Variants in EML4 observed in about 807,000 individuals in gnomAD.
EML4 encodes EMAP like 4, also known as echinoderm microtubule-associated protein-like 4.
A neutral mutation model predicts 129.0 loss-of-function variants in EML4; 72 were observed. The observed-to-expected ratio is 0.56, with a 90% CI of 0.46 to 0.68. The LOEUF (loss-of-function observed/expected upper bound fraction) is 0.68, where lower values mean the gene tolerates loss of function less well. EML4 is among the 30% of genes least tolerant of loss of function. The pLI, the probability that EML4 is intolerant of heterozygous loss-of-function variation, is 0.00. For synonymous variants in EML4, 532 were observed against 405.0 expected (o/e 1.31, Z -3.77); for missense variants, 1,363 against 1,190.6 (o/e 1.14, Z -2.13).
In EML4 at chr2:42,295,486, G is replaced by T; in HGVS notation, c.1459G>T (p.Val487Leu). The change falls in exon 13 of 23, where the codon GTA becomes TTA. Residue 487 changes from valine to leucine, a missense_variant. Physicochemically the swap from Val to Leu is conservative, Grantham distance 32. Transcript: ENST00000318522. Reference protein sequence around the residue: ...GVMLIWSKTTVEPTPGKGPKG... With the variant: ...GVMLIWSKTTLEPTPGKGPKG... ...CATGCTTATATGGAGCAAAACTACT[G>T]TAGAGCCCACACCTGGGAAAGGACC... 1.9e-6 allele frequency: 3 copies of T among 1,613,696 alleles called. No individual in the cohort carries two copies. Among genetic ancestry groups the T allele is most frequent in the Non-Finnish European group, 2.5e-6 (3 of 1,179,866 alleles).
At chr2:42,253,130 A>T (rs1055143575) in intron 2 of EML4, among the ~76,000 whole-genome samples, 1 of 152,212 alleles carries the variant, frequency 6.6e-6, no homozygotes, top group Non-Finnish European at 1.5e-5. Context: ...GTGCAGAAGA[A>T]TAAAAAGTAC....
intron 1 of EML4, among the ~76,000 whole-genome samples, chr2:42,211,031 G>C (rs995478764): frequency 3.9e-5 from 6 of 152,156 alleles, no homozygotes; most frequent in East Asian, 1.9e-4. Context: ...GTAATCTTCT[G>C]TCTCTTACAC....
chr2:42,310,067 A>G (rs1668848917), intron 17 of EML4, among the ~76,000 whole-genome samples: 1 of 152,214 alleles, frequency 6.6e-6, no homozygotes, highest in East Asian at 1.9e-4. Flanking sequence ...ATTCAGTTAC[A>G]GCACCATTTG....
chr2:42,234,454 C>T lies in EML4; in HGVS notation c.26-11051C>T, dbSNP rs527816391. Reference sequence around the variant, plus strand: ...GGGGTTCCTCTACCCTTAAGAATTTCTGACCAGGTAAACTATCTCTCCATT... The same window carrying T: ...GGGGTTCCTCTACCCTTAAGAATTTTTGACCAGGTAAACTATCTCTCCATT... On this transcript the variant is annotated intron_variant, in intron 1 of 22. Coordinates refer to ENST00000318522, the MANE Select transcript of EML4 (RefSeq NM_019063.5). Among the ~76,000 whole-genome samples, 233 of 152,328 alleles carry T rather than the reference C, an allele frequency of 1.5e-3. 1 individual carries two copies. The highest frequency in any genetic ancestry group is 5.4e-3 in the African/African-American group (225 of 41,580).
At chr2:42,271,400 C>A (rs1666356688) in intron 6 of EML4, among the ~76,000 whole-genome samples, 1 of 147,504 alleles carries the variant, frequency 6.8e-6, no homozygotes, top group Admixed American at 6.7e-5. Context: ...GGGGACCTTT[C>A]CTCTGTTGGA....
intron 1 of EML4, among the ~76,000 whole-genome samples, chr2:42,211,744 G>C (rs531576066): frequency 5.9e-5 from 9 of 151,752 alleles, no homozygotes; most frequent in African/African-American, 2.2e-4. Context: ...TTTTAAGTAG[G>C]GTAAAATTTA....
chr2:42,234,469 A>G (rs544061257), intron 1 of EML4, among the ~76,000 whole-genome samples: 1 of 152,136 alleles, frequency 6.6e-6, no homozygotes, highest in Non-Finnish European at 1.5e-5. Context: ...CAGGTAAACT[A>G]TCTCTCCATT....
At chr2:42,180,259 T>A (rs1670855496) in intron 1 of EML4, among the ~76,000 whole-genome samples, 1 of 152,246 alleles carries the variant, frequency 6.6e-6, no homozygotes, top group Non-Finnish European at 1.5e-5. Flanking sequence ...TGGCTTCCTT[T>A]TATCCCTAAG....
At position 42,312,361 on chromosome 2, in the gene EML4, C is replaced by T. The variant is rs563249280; in HGVS notation, c.1968-3601C>T. Among the ~76,000 whole-genome samples, 7 of 152,124 alleles carry T rather than the reference C, an allele frequency of 4.6e-5. 1 individual carries two copies. The highest frequency in any genetic ancestry group is 1.7e-4 in the African/African-American group (7 of 41,508). ...AAGGGAAGGTCATGCCTCGTTATAA[C>T]CTCTTAGAATTCAGGAAAAGCCAAC... On this transcript the variant is annotated intron_variant, in intron 17 of 22. Transcript: ENST00000318522.
At chr2:42,320,679 A>C (rs1381968539) in intron 19 of EML4, among the ~76,000 whole-genome samples, 1 of 152,188 alleles carries the variant, frequency 6.6e-6, no homozygotes, top group Admixed American at 6.5e-5. Context: ...TCCTTGAAAG[A>C]TTTTAAGTGT....
chr2:42,184,866 G>A (rs1029903220), intron 1 of EML4, among the ~76,000 whole-genome samples: 2 of 152,102 alleles, frequency 1.3e-5, no homozygotes, highest in African/African-American at 4.8e-5. Flanking sequence ...ATTTCTTAAG[G>A]ACAAGAATGT....
intron 1 of EML4, among the ~76,000 whole-genome samples, chr2:42,218,231 G>A (rs898527450): frequency 5.3e-5 from 8 of 151,906 alleles, no homozygotes; most frequent in East Asian, 1.9e-4. Context: ...AAGGGATCTC[G>A]GTTGCTCACT....
chr2:42,314,699 C>T (rs1431569703), intron 17 of EML4, among the ~76,000 whole-genome samples: 1 of 152,176 alleles, frequency 6.6e-6, no homozygotes, highest in African/African-American at 2.4e-5. Context: ...AGTGCCTACT[C>T]TGATCTGGGC....
At chr2:42,220,531 C>A (rs575900126) in intron 1 of EML4, among the ~76,000 whole-genome samples, 1 of 152,112 alleles carries the variant, frequency 6.6e-6, no homozygotes, top group African/African-American at 2.4e-5. Context: ...ACTGGCTGTT[C>A]CTCTGTCTCT....
chr2:42,175,538 G>C (rs149531247), intron 1 of EML4, among the ~76,000 whole-genome samples: 3 of 151,200 alleles, frequency 2.0e-5, no homozygotes, highest in Admixed American at 6.6e-5. Flanking sequence ...AGTTTCTGTC[G>C]CCCAGGCTGG....
intron 6 of EML4, among the ~76,000 whole-genome samples, chr2:42,278,294 C>T (rs1208845606): frequency 2.0e-5 from 3 of 152,112 alleles, no homozygotes; most frequent in East Asian, 1.9e-4. Context: ...CAATTGCGGC[C>T]GCATGCGGTG....
At chr2:42,274,299 A>C (rs1666533791) in intron 6 of EML4, among the ~76,000 whole-genome samples, 1 of 152,240 alleles carries the variant, frequency 6.6e-6, no homozygotes, top group Admixed American at 6.5e-5. Context: ...CCTAAAATGG[A>C]AACTTTCAGG....
At chr2:42,200,842 C>G (rs753172005) in intron 1 of EML4, among the ~76,000 whole-genome samples, 1 of 152,086 alleles carries the variant, frequency 6.6e-6, no homozygotes, top group African/African-American at 2.4e-5. Context: ...AAATTTCCAG[C>G]GCTTTGCAGG....
chr2:42,217,101 C>G (rs972406376), intron 1 of EML4, among the ~76,000 whole-genome samples: 1 of 152,134 alleles, frequency 6.6e-6, no homozygotes, highest in Non-Finnish European at 1.5e-5. Flanking sequence ...CATAGTTGGA[C>G]TGAGTAAATT....
Sources: allele counts gnomAD v4.1 joint callset (sites outside exome capture counted in the v4.1 genomes callset), GRCh38; gene constraint gnomAD v4.1.1; transcripts MANE v1.5; gene names NCBI Gene and HGNC (gene_info 2026-07-23, HGNC 2026-07-21).